DCAF6: variants seen among roughly 807,000 people sequenced by gnomAD.
The protein encoded by DCAF6 is DDB1- and CUL4-associated factor 6.
In DCAF6, 54 loss-of-function variants were observed where a neutral mutation model predicts 125.1. The ratio of observed to expected loss-of-function variants is 0.43; its 90% CI spans 0.35 to 0.54. The LOEUF (loss-of-function observed/expected upper bound fraction) is 0.54. Among genes scored for constraint, DCAF6 ranks in the 20% least tolerant of loss-of-function variants. DCAF6 has a pLI of 0.01. For synonymous variants in DCAF6, 371 were observed against 390.4 expected, an observed-to-expected ratio of 0.95 and a Z score of 0.58; for missense variants, 934 against 1,161.7, an observed-to-expected ratio of 0.80 and a Z score of 2.85.
chr1:167,916,039 AACTAT>A, the DCAF6 span, among the ~76,000 whole-genome samples: 4,557 of 152,288 alleles, frequency 0.03, 231 homozygotes, highest in African/African-American at 0.1. Flanking sequence ...AATTCAACTC[AACTAT>A]ACTAATCGAT....
At chr1:168,005,941 T>A (rs1683270358) in intron 10 of DCAF6, among the ~76,000 whole-genome samples, 1 of 152,146 alleles carries the variant, frequency 6.6e-6, no homozygotes. Context: ...AAATAAAATA[T>A]TTTGGAAGAT....
chr1:167,893,938 A>C, the DCAF6 span: 3 of 1,612,314 alleles, frequency 1.9e-6, no homozygotes, highest in South Asian at 2.2e-5. Flanking sequence ...AAGCCTCAGG[A>C]GGTCTAAGAA....
chr1:168,066,158 C>G (rs1351782915), intron 19 of DCAF6, among the ~76,000 whole-genome samples: 2 of 152,094 alleles, frequency 1.3e-5, no homozygotes, highest in Non-Finnish European at 2.9e-5. Context: ...TAAGTGACTT[C>G]AACAATGAAT....
chr1:167,906,357 C>T, the DCAF6 span, among the ~76,000 whole-genome samples: 1 of 149,462 alleles, frequency 6.7e-6, no homozygotes, highest in Non-Finnish European at 1.5e-5. Flanking sequence ...AAACATATAA[C>T]TAAGGTTTAA....
the DCAF6 span, among the ~76,000 whole-genome samples, chr1:167,912,706 G>A: frequency 6.6e-6 from 1 of 152,054 alleles, no homozygotes; most frequent in African/African-American, 2.4e-5. Flanking sequence ...TAAACTCTCC[G>A]ATCCTTAAAA....
intron 13 of DCAF6, among the ~76,000 whole-genome samples, chr1:168,039,999 G>T (rs1688321966): frequency 6.6e-6 from 1 of 151,954 alleles, no homozygotes; most frequent in Non-Finnish European, 1.5e-5. Context: ...TTACATTCTA[G>T]ATGGAGGAAG....
intron 7 of DCAF6, among the ~76,000 whole-genome samples, chr1:167,994,657 G>A (rs376246485): frequency 6.6e-6 from 1 of 152,090 alleles, no homozygotes; most frequent in Non-Finnish European, 1.5e-5. Context: ...TAGAAATAAG[G>A]TATCTTTGAC....
chr1:167,995,124 A>G (rs1297202079), intron 7 of DCAF6, among the ~76,000 whole-genome samples: 2 of 152,194 alleles, frequency 1.3e-5, no homozygotes, highest in East Asian at 1.9e-4. Flanking sequence ...TGTTACTGCT[A>G]TGCAAATTTC....
In DCAF6 at chr1:168,043,145, G is replaced by A. The variant is rs776399810; in HGVS notation, c.1843+5G>A. ...CAGAAGGAGACAGTGAAACAAGTAA[G>A]GTGTTATTTTGCTTTTGTTGTTATA... On this transcript the variant is annotated splice_donor_5th_base_variant and intron_variant, in intron 14 of 21. Transcript: ENST00000367840. 4 of 1,605,194 alleles carry A rather than the reference G, an allele frequency of 2.5e-6. No homozygotes were observed. Among genetic ancestry groups the A allele is most frequent in the Middle Eastern group, 1.6e-4 (1 of 6,066 alleles).
chr1:168,036,466 A>G (rs1687818835), intron 12 of DCAF6, among the ~76,000 whole-genome samples: 1 of 152,206 alleles, frequency 6.6e-6, no homozygotes, highest in South Asian at 2.1e-4. Context: ...ATTAAGAGAG[A>G]AAATGAAAAA....
At chr1:168,070,252 ATAAAG>A (rs1262265399) in intron 21 of DCAF6, among the ~76,000 whole-genome samples, 1 of 152,116 alleles carries the variant, frequency 6.6e-6, no homozygotes, top group Non-Finnish European at 1.5e-5. Context: ...ACTAGATAGA[ATAAAG>A]TGCCCAAGAG....
chr1:167,992,252 T>TACACACACACACACACACACACAC (rs761598229), intron 6 of DCAF6, among the ~76,000 whole-genome samples: 24 of 143,190 alleles, frequency 1.7e-4, no homozygotes, highest in Non-Finnish European at 2.9e-4. Flanking sequence ...AGGCCAGGAT[T>TACACACACACACACACACACACAC]ACACACACAC....
the DCAF6 span, chr1:167,924,393 C>A: frequency 1.1e-6 from 1 of 925,118 alleles, no homozygotes; most frequent in Non-Finnish European, 1.6e-6. Flanking sequence ...AGAGGCATAC[C>A]AAGAATACTC....
chr1:168,039,086 T>TA (rs143503059), intron 13 of DCAF6, among the ~76,000 whole-genome samples: 1,641 of 152,168 alleles, frequency 0.011, 37 homozygotes, highest in African/African-American at 0.036. Flanking sequence ...TACCATTTTT[T>TA]ACCAAATAAG....
chr1:167,938,339 A>T (rs1671672381), intron 1 of DCAF6, among the ~76,000 whole-genome samples: 1 of 152,144 alleles, frequency 6.6e-6, no homozygotes, highest in Admixed American at 6.5e-5. Flanking sequence ...TCACTTCTCC[A>T]CATTTTGGAG....
At chr1:167,942,893 T>C (rs1672465704) in intron 1 of DCAF6, among the ~76,000 whole-genome samples, 1 of 152,082 alleles carries the variant, frequency 6.6e-6, no homozygotes, top group Admixed American at 6.6e-5. Context: ...TGAAATCAGC[T>C]AGTGTGATAC....
chr1:168,055,331 GTTT>G (rs554861802), intron 17 of DCAF6, among the ~76,000 whole-genome samples: 4 of 31,626 alleles, frequency 1.3e-4, no homozygotes, highest in Non-Finnish European at 2.1e-4. Context: ...TCAGGCTTAA[GTTT>G]TTTTTTTTTT....
the DCAF6 span, among the ~76,000 whole-genome samples, chr1:167,922,599 A>G: frequency 6.6e-6 from 1 of 151,604 alleles, no homozygotes; most frequent in Admixed American, 6.6e-5. Flanking sequence ...GTAGATATGA[A>G]AAAAAAAACC....
intron 2 of DCAF6, among the ~76,000 whole-genome samples, chr1:167,954,286 C>T (rs905186692): frequency 2.0e-5 from 3 of 152,062 alleles, no homozygotes; most frequent in African/African-American, 7.2e-5. Flanking sequence ...AGCCACTGCA[C>T]CCCACCCACT....
Sources: allele counts gnomAD v4.1 joint callset (sites outside exome capture counted in the v4.1 genomes callset), GRCh38; gene constraint gnomAD v4.1.1; transcripts MANE v1.5; gene names NCBI Gene and HGNC (gene_info 2026-07-23, HGNC 2026-07-21).